Variants in SIMC1 observed in about 807,000 individuals in gnomAD.
SIMC1 encodes SUMO-interacting motif-containing protein 1.
In SIMC1, 55 loss-of-function variants were observed where a neutral mutation model predicts 82.3. The observed-to-expected ratio is 0.67, with a 90% CI of 0.54 to 0.84. The LOEUF is 0.84. Among genes scored for constraint, SIMC1 ranks in the 40% least tolerant of loss-of-function variants. The pLI, the probability that SIMC1 is intolerant of heterozygous loss-of-function variation, is 0.00. For synonymous variants in SIMC1, 353 were observed against 426.3 expected (o/e 0.83, Z 2.12); for missense variants, 915 against 1,107.2 (o/e 0.83, Z 2.46).
chr5:176,334,413 T>C (rs1388394869), intron 7 of SIMC1, among the ~76,000 whole-genome samples: 1 of 152,170 alleles, frequency 6.6e-6, no homozygotes, highest in Non-Finnish European at 1.5e-5. Context: ...GCTTAATCTT[T>C]CTGGGGTCTC....
intron 5 of SIMC1, 22 bp downstream of exon 5, chr5:176,313,867 C>T (rs1764783197): frequency 1.2e-6 from 2 of 1,612,292 alleles, no homozygotes; most frequent in Non-Finnish European, 1.7e-6. Flanking sequence ...CCTGAGCCCT[C>T]GGATGAGAAG....
intron 9 of SIMC1, among the ~76,000 whole-genome samples, chr5:176,337,843 G>C (rs2113413457): frequency 6.6e-6 from 1 of 152,310 alleles, no homozygotes; most frequent in Middle Eastern, 3.4e-3. Flanking sequence ...AGAGCTGCTT[G>C]GGTCACAGGT....
chr5:176,310,429 TTAAA>T (rs1409105064), intron 4 of SIMC1, among the ~76,000 whole-genome samples: 1 of 152,212 alleles, frequency 6.6e-6, no homozygotes, highest in Non-Finnish European at 1.5e-5. Flanking sequence ...AGGTACGTGG[TTAAA>T]CAAACCATCC....
intron 1 of SIMC1, among the ~76,000 whole-genome samples, chr5:176,262,379 A>G (rs1051696626): frequency 2.0e-5 from 3 of 152,124 alleles, no homozygotes; most frequent in African/African-American, 7.2e-5. Flanking sequence ...CACTAATATC[A>G]TACCTAATGG....
chr5:176,320,632 A>G (rs1461687942), intron 5 of SIMC1, among the ~76,000 whole-genome samples: 2 of 152,152 alleles, frequency 1.3e-5, no homozygotes, highest in Non-Finnish European at 2.9e-5. Context: ...AGCTTCCCAA[A>G]GTGCTGGGAT....
chr5:176,271,412 A>G (rs533384308), intron 1 of SIMC1, among the ~76,000 whole-genome samples: 46 of 152,198 alleles, frequency 3.0e-4, no homozygotes, highest in Non-Finnish European at 5.6e-4. Flanking sequence ...TCCAGTAAAG[A>G]AATAGAATCA....
At chr5:176,341,180 T>C (rs758022844) in intron 9 of SIMC1, among the ~76,000 whole-genome samples, 1 of 152,054 alleles carries the variant, frequency 6.6e-6, no homozygotes, top group Non-Finnish European at 1.5e-5. Flanking sequence ...GAAGTAATGG[T>C]GTTAGCCAGG....
intron 7 of SIMC1, among the ~76,000 whole-genome samples, chr5:176,336,095 GGAGAGA>G (rs368859567): frequency 2.7e-5 from 4 of 147,364 alleles, no homozygotes; most frequent in Admixed American, 6.8e-5. Flanking sequence ...GCAGGGAGGG[GGAGAGA>G]GAGAGAGAGA....
chr5:176,274,362 T>C (rs1158241587), intron 1 of SIMC1, among the ~76,000 whole-genome samples: 1 of 151,168 alleles, frequency 6.6e-6, no homozygotes, highest in Non-Finnish European at 1.5e-5. Context: ...GTTTGTTTTT[T>C]TCTTGTAAAT....
At position 176,290,229 on chromosome 5, in the gene SIMC1, T is replaced by C. The variant is rs1258444289; in HGVS notation, c.705T>C (p.Cys235=). The C allele has an allele frequency of 2.0e-5, 32 of 1,610,376 alleles. No homozygotes were observed. The highest frequency in any genetic ancestry group is 2.7e-5 in the Non-Finnish European group (32 of 1,178,714). The stretch of plus-strand genomic sequence containing the variant: ...CATGCCCACCGAGAGCCTCACCATG[T>C]CCACCACGAGCCTCCTCATGCCCAC... ...PLPCPPRASP[C]PPRASSCPPR... Residue 235 remains cysteine, a synonymous_variant, in exon 2 of 10, where the codon TGT becomes TGC. Coordinates refer to ENST00000429602, the MANE Select transcript of SIMC1 (RefSeq NM_001308195.2).
intron 1 of SIMC1, among the ~76,000 whole-genome samples, chr5:176,277,675 G>C (rs71599484): frequency 6.6e-6 from 1 of 151,822 alleles, no homozygotes; most frequent in African/African-American, 2.4e-5. Context: ...ATGGCTAGCC[G>C]GTTTTCCCAG....
chr5:176,242,407 A>C (rs2113095536), intron 1 of SIMC1, among the ~76,000 whole-genome samples: 1 of 152,042 alleles, frequency 6.6e-6, no homozygotes, highest in South Asian at 2.1e-4. Context: ...AACTTTGTAT[A>C]ATAGATTTGT....
chr5:176,304,835 G>A (rs1175381136), intron 4 of SIMC1, among the ~76,000 whole-genome samples: 5 of 150,224 alleles, frequency 3.3e-5, no homozygotes, highest in South Asian at 2.1e-4. Flanking sequence ...CCTCTGCCCC[G>A]CCGCCCCATC....
chr5:176,325,783 A>G (rs949184381), intron 7 of SIMC1, among the ~76,000 whole-genome samples: 25 of 152,170 alleles, frequency 1.6e-4, no homozygotes, highest in Admixed American at 5.2e-4. Context: ...ATCTTTATCC[A>G]TAGGCCTGGC....
At chr5:176,330,046 C>T (rs1420641838) in intron 7 of SIMC1, among the ~76,000 whole-genome samples, 1 of 152,048 alleles carries the variant, frequency 6.6e-6, no homozygotes, top group African/African-American at 2.4e-5. Flanking sequence ...GCAATTATAT[C>T]TTAGTAGCAG....
In SIMC1 at chr5:176,295,110, G is replaced by A; in HGVS notation, c.1512G>A (p.Leu504=). The change falls in exon 3 of 10, where the codon CTG becomes CTA. Residue 504 remains leucine (L), a synonymous_variant. Transcript: ENST00000429602. ...VTNTIEENFP[L]GTVQFLMDFV... Reference sequence around the variant, plus strand: ...ATACCATTGAAGAGAATTTTCCTCTGGGGACTGTGCAGTTTTTGATGGACT... The same window carrying A: ...ATACCATTGAAGAGAATTTTCCTCTAGGGACTGTGCAGTTTTTGATGGACT... 1 of 1,613,548 alleles carries A rather than the reference G, an allele frequency of 6.2e-7. No individual in the cohort carries two copies. Among genetic ancestry groups the A allele is most frequent in the Non-Finnish European group, 8.5e-7 (1 of 1,179,692 alleles).
intron 1 of SIMC1, among the ~76,000 whole-genome samples, chr5:176,271,687 ATATTT>A (rs1229775373): frequency 1.3e-5 from 2 of 151,552 alleles, no homozygotes; most frequent in South Asian, 2.1e-4. Context: ...ACAGTAAGCA[ATATTT>A]TATTATACAT....
chr5:176,294,987 G>GA (rs970758890), intron 2 of SIMC1, 43 bp from the exon 3 acceptor site: 1 of 1,080,666 alleles, frequency 9.3e-7, no homozygotes, highest in Admixed American at 3.5e-5. Flanking sequence ...AAAAAAAAAA[G>GA]AAAAGAAATC....
intron 4 of SIMC1, among the ~76,000 whole-genome samples, chr5:176,303,921 T>C (rs1157429414): frequency 6.6e-6 from 1 of 152,164 alleles, no homozygotes; most frequent in East Asian, 1.9e-4. Flanking sequence ...ATTAAAGACC[T>C]GAATATAAGA....
Sources: gnomAD v4.1 joint callset for allele counts (sites outside exome capture counted in the v4.1 genomes callset) on GRCh38, gnomAD v4.1.1 for gene constraint, MANE v1.5 for transcripts, NCBI Gene and HGNC (gene_info 2026-07-23, HGNC 2026-07-21) for gene names.